Variants in INPP4B observed in about 807,000 individuals in gnomAD.
The protein encoded by INPP4B is inositol polyphosphate 4-phosphatase type II.
INPP4B carries 55 observed loss-of-function variants against 122.5 expected under a neutral mutation model. The ratio of observed to expected loss-of-function variants is 0.45; its 90% CI spans 0.36 to 0.56. The LOEUF (loss-of-function observed/expected upper bound fraction) is 0.56, where lower values mean the gene tolerates loss of function less well. INPP4B is among the 20% of genes least tolerant of loss of function. The pLI, the probability that INPP4B is intolerant of heterozygous loss-of-function variation, is 0.00. For missense variants in INPP4B, 1,000 were observed against 1,097.7 expected (o/e 0.91, Z 1.26); for synonymous variants, 403 against 388.7 (o/e 1.04, Z -0.43).
intron 18 of INPP4B, 47 bp downstream of exon 18, chr4:142,145,793 C>T: frequency 6.4e-7 from 1 of 1,562,672 alleles, no homozygotes; most frequent in Non-Finnish European, 8.7e-7. Context: ...ACGAGTTTCT[C>T]ATTTTGTTTA....
intron 1 of INPP4B, among the ~76,000 whole-genome samples, chr4:142,754,592 AT>A (rs376759387): frequency 0.012 from 1,757 of 152,110 alleles, 23 homozygotes; most frequent in Middle Eastern, 0.054. Flanking sequence ...AAATCAAAAA[AT>A]TTTTTTAAAA....
At chr4:142,721,943 A>G (rs530596776) in intron 2 of INPP4B, among the ~76,000 whole-genome samples, 1 of 152,298 alleles carries the variant, frequency 6.6e-6, no homozygotes, top group African/African-American at 2.4e-5. Flanking sequence ...TATACCTTCA[A>G]TGGAAATCCT....
rs141396899 is a variant in INPP4B, at chr4:142,647,168, G to C, written c.-191+78671C>G. Among the ~76,000 whole-genome samples the C allele has an allele frequency of 2.3e-4, 35 of 152,152 alleles. No homozygotes were observed. The East Asian group carries it at 6.4e-3, about 28-fold the overall frequency. On this transcript the variant is annotated intron_variant, in intron 2 of 25. Coordinates refer to ENST00000262992, the MANE Select transcript of INPP4B (RefSeq NM_001101669.3). ...AGGCCTGTTACTAAGGAAAAAAGAA[G>C]AAAATACCAAAATAAATGGCTGAAG...
intron 3 of INPP4B, among the ~76,000 whole-genome samples, chr4:142,438,143 T>C (rs1289012728): frequency 2.0e-5 from 3 of 152,196 alleles, no homozygotes; most frequent in Non-Finnish European, 4.4e-5. Flanking sequence ...AATTTGTAGA[T>C]TCAATGCTAT....
At chr4:142,080,039 T>C (rs1165022830) in intron 25 of INPP4B, among the ~76,000 whole-genome samples, 1 of 152,088 alleles carries the variant, frequency 6.6e-6, no homozygotes, top group Non-Finnish European at 1.5e-5. Context: ...ACATGTATCA[T>C]TTCATTTAAT....
At chr4:142,597,884 A>T (rs1232472090) in intron 2 of INPP4B, among the ~76,000 whole-genome samples, 1 of 152,210 alleles carries the variant, frequency 6.6e-6, no homozygotes, top group Non-Finnish European at 1.5e-5. Context: ...CTCCACAGAA[A>T]ATTTATTGTA....
intron 2 of INPP4B, among the ~76,000 whole-genome samples, chr4:142,703,693 C>T (rs1452840034): frequency 6.6e-6 from 1 of 152,052 alleles, no homozygotes; most frequent in Non-Finnish European, 1.5e-5. Context: ...TATTAGTACC[C>T]CAAAGAATTA....
intron 2 of INPP4B, among the ~76,000 whole-genome samples, chr4:142,678,407 T>C (rs1758124956): frequency 1.3e-5 from 2 of 151,940 alleles, no homozygotes; most frequent in Admixed American, 6.6e-5. Flanking sequence ...GATGGTGTTA[T>C]AGTCTGTAGC....
chr4:142,430,427 C>T (rs557056344), intron 4 of INPP4B, among the ~76,000 whole-genome samples: 1 of 151,866 alleles, frequency 6.6e-6, no homozygotes, highest in Non-Finnish European at 1.5e-5. Context: ...TAAAGATTAG[C>T]TTTATAATGT....
chr4:142,366,431 G>A (rs1787511237), intron 7 of INPP4B, among the ~76,000 whole-genome samples: 1 of 151,994 alleles, frequency 6.6e-6, no homozygotes, highest in African/African-American at 2.4e-5. Flanking sequence ...TATTATTAGA[G>A]GCAGCTATTT....
intron 12 of INPP4B, among the ~76,000 whole-genome samples, chr4:142,229,879 T>G (rs997923365): frequency 2.0e-5 from 3 of 152,196 alleles, no homozygotes; most frequent in Non-Finnish European, 4.4e-5. Context: ...TCTAAATTAC[T>G]GCTAATTTTT....
chr4:142,552,578 C>T (rs756220249), intron 2 of INPP4B, among the ~76,000 whole-genome samples: 1 of 152,050 alleles, frequency 6.6e-6, no homozygotes, highest in African/African-American at 2.4e-5. Flanking sequence ...TCACCAAAAC[C>T]TAAGAATATT....
Position 142,291,927 on chromosome 4 carries a change from T to A in INPP4B, c.503+13531A>T, listed in dbSNP as rs552424169. ...GACAATCTCTGAGAAAATGACACAA[T>A]TTTACAGCAAATACAAAACCAGTAA... On this transcript the variant is annotated intron_variant, in intron 9 of 25. Transcript: ENST00000262992. Among the ~76,000 whole-genome samples the A allele has an allele frequency of 2.0e-5, 3 of 152,328 alleles. No individual in the cohort carries two copies. The East Asian group carries it at 5.8e-4, about 29-fold the overall frequency.
chr4:142,547,285 A>G (rs1829749648), intron 2 of INPP4B, among the ~76,000 whole-genome samples: 2 of 152,118 alleles, frequency 1.3e-5, no homozygotes, highest in South Asian at 4.1e-4. Flanking sequence ...TAAGTATGCT[A>G]CTGAGATTTT....
At chr4:142,484,343 T>C (rs1408817897) in intron 2 of INPP4B, among the ~76,000 whole-genome samples, 1 of 152,068 alleles carries the variant, frequency 6.6e-6, no homozygotes, top group East Asian at 1.9e-4. Context: ...TACATGCATA[T>C]AAAAATGTGT....
intron 2 of INPP4B, among the ~76,000 whole-genome samples, chr4:142,694,364 CT>C (rs1760710711): frequency 1.4e-5 from 2 of 146,166 alleles, no homozygotes; most frequent in Admixed American, 1.4e-4. Context: ...CAGAACGAGA[CT>C]CGTCTCAAAA....
intron 2 of INPP4B, among the ~76,000 whole-genome samples, chr4:142,631,568 T>C (rs1747962221): frequency 1.3e-5 from 2 of 152,050 alleles, no homozygotes; most frequent in Admixed American, 6.6e-5. Flanking sequence ...TTGAGGACAT[T>C]AAGCCATGGA....
chr4:142,095,372 T>C (rs1781375217), intron 23 of INPP4B, among the ~76,000 whole-genome samples: 2 of 152,208 alleles, frequency 1.3e-5, no homozygotes, highest in African/African-American at 4.8e-5. Flanking sequence ...ATCTAAAAAG[T>C]GAAATAAGAA....
At chr4:142,805,129 C>A (rs557414742) in intron 1 of INPP4B, among the ~76,000 whole-genome samples, 2 of 152,268 alleles carry the variant, frequency 1.3e-5, no homozygotes, top group East Asian at 3.9e-4. Flanking sequence ...TCTACAGACA[C>A]TAAAAAGCCA....
Sources: allele counts gnomAD v4.1 joint callset (sites outside exome capture counted in the v4.1 genomes callset), GRCh38; gene constraint gnomAD v4.1.1; transcripts MANE v1.5; gene names NCBI Gene and HGNC (gene_info 2026-07-23, HGNC 2026-07-21).